Variants in TNIK observed in about 807,000 individuals in gnomAD.
TNIK encodes TRAF2 and NCK-interacting protein kinase.
TNIK carries 49 observed loss-of-function variants against 191.3 expected under a neutral mutation model. That is an observed-to-expected ratio of 0.26 (90% confidence interval 0.20 to 0.32). The LOEUF is 0.32. Among genes scored for constraint, TNIK ranks in the 10% least tolerant of loss-of-function variants. TNIK has a pLI of 1.00. For synonymous variants in TNIK, 594 were observed against 600.9 expected (o/e 0.99, Z 0.17); for missense variants, 1,155 against 1,702.3 (o/e 0.68, Z 5.66).
At chr3:171,334,220 T>A (rs1401394631) in intron 2 of TNIK, among the ~76,000 whole-genome samples, 1 of 152,230 alleles carries the variant, frequency 6.6e-6, no homozygotes, top group African/African-American at 2.4e-5. Context: ...ATTTGGCTTT[T>A]AGGAAAATCA....
chr3:171,211,872 A>G (rs1464890500), intron 3 of TNIK, among the ~76,000 whole-genome samples: 4 of 152,210 alleles, frequency 2.6e-5, no homozygotes, highest in Non-Finnish European at 5.9e-5. Context: ...CAACTCTCTT[A>G]CAGAGTTAGT....
intron 19 of TNIK, among the ~76,000 whole-genome samples, chr3:171,109,280 G>C (rs1725475461): frequency 6.6e-6 from 1 of 152,150 alleles, no homozygotes; most frequent in South Asian, 2.1e-4. Flanking sequence ...TTCTACCTCG[G>C]CCTTCCGGGT....
chr3:171,157,363 G>A, intron 12 of TNIK, 97 bp downstream of exon 12: 1 of 1,427,844 alleles, frequency 7.0e-7, no homozygotes. Context: ...TCTAAGCTCT[G>A]TGTGCTCACA....
chr3:171,420,623 G>A (rs938174400), intron 1 of TNIK, among the ~76,000 whole-genome samples: 1 of 152,134 alleles, frequency 6.6e-6, no homozygotes, highest in East Asian at 1.9e-4. Context: ...CATACCTATG[G>A]TAAAGTTTAA....
At chr3:171,389,298 C>T (rs1212840386) in intron 1 of TNIK, among the ~76,000 whole-genome samples, 2 of 152,146 alleles carry the variant, frequency 1.3e-5, no homozygotes, top group Non-Finnish European at 2.9e-5. Flanking sequence ...CTGGCTAACA[C>T]TATTACTTAG....
At chr3:171,421,937 G>T (rs1018359127) in intron 1 of TNIK, among the ~76,000 whole-genome samples, 5 of 151,672 alleles carry the variant, frequency 3.3e-5, no homozygotes, top group African/African-American at 1.2e-4. Flanking sequence ...TCACCATGTT[G>T]GCCAGGCTGG....
chr3:171,291,013 T>C (rs901059145), intron 2 of TNIK, among the ~76,000 whole-genome samples: 2 of 152,214 alleles, frequency 1.3e-5, no homozygotes, highest in Non-Finnish European at 2.9e-5. Context: ...ATTGTCTTTT[T>C]AGCTATGGCT....
intron 1 of TNIK, among the ~76,000 whole-genome samples, chr3:171,431,634 G>A (rs1481059027): frequency 2.0e-5 from 3 of 152,066 alleles, no homozygotes; most frequent in East Asian, 1.9e-4. Context: ...CTCCACTTAG[G>A]AGGATACTGC....
intron 2 of TNIK, among the ~76,000 whole-genome samples, chr3:171,278,314 CAA>C (rs1275745539): frequency 2.0e-5 from 3 of 151,870 alleles, no homozygotes; most frequent in Non-Finnish European, 4.4e-5. Flanking sequence ...ACATGCTGTC[CAA>C]AAAAGAGCAG....
At chr3:171,223,365 G>A (rs1295119428) in intron 3 of TNIK, among the ~76,000 whole-genome samples, 1 of 152,204 alleles carries the variant, frequency 6.6e-6, no homozygotes, top group Non-Finnish European at 1.5e-5. Flanking sequence ...GGGCAAGGTT[G>A]TGTTACTGTG....
intron 2 of TNIK, among the ~76,000 whole-genome samples, chr3:171,342,991 T>G (rs1157358314): frequency 1.3e-5 from 2 of 152,202 alleles, no homozygotes; most frequent in Admixed American, 1.3e-4. Context: ...CCTTTGCTCC[T>G]CCTTTGCCTT....
intron 2 of TNIK, among the ~76,000 whole-genome samples, chr3:171,287,627 T>C (rs948455250): frequency 2.0e-5 from 3 of 152,230 alleles, no homozygotes; most frequent in African/African-American, 7.2e-5. Flanking sequence ...TAAGTTTTGA[T>C]TCCAAACAAA....
At chr3:171,299,874 G>A (rs534293481) in intron 2 of TNIK, among the ~76,000 whole-genome samples, 48 of 152,298 alleles carry the variant, frequency 3.2e-4, no homozygotes, top group Middle Eastern at 3.4e-3. Flanking sequence ...AACACCTAAC[G>A]TACAAGGAGA....
chr3:171,088,732 C>T (rs1721677532), intron 23 of TNIK, among the ~76,000 whole-genome samples: 1 of 152,232 alleles, frequency 6.6e-6, no homozygotes, highest in Non-Finnish European at 1.5e-5. Context: ...TAAAAGACAA[C>T]TCTGGTTTCC....
Position 171,144,733 on chromosome 3 carries a change from T to C in TNIK, c.1222-4224A>G, listed in dbSNP as rs74365640. ...CACCAGCACTTATTCCTCTCGTCTATAGCTTTGCACCCATTGACCAGTCTC... is the reference window on the plus strand; with the variant it reads ...CACCAGCACTTATTCCTCTCGTCTACAGCTTTGCACCCATTGACCAGTCTC... On this transcript the variant is annotated intron_variant, in intron 12 of 32. Coordinates refer to ENST00000436636, the MANE Select transcript of TNIK (RefSeq NM_015028.4). Among the ~76,000 whole-genome samples the C allele has an allele frequency of 2.3e-3, 352 of 152,344 alleles. 5 individuals carry two copies. The East Asian group carries it at 0.031, about 14-fold the overall frequency.
intron 1 of TNIK, among the ~76,000 whole-genome samples, chr3:171,437,009 CT>C (rs1273732018): frequency 6.6e-6 from 1 of 152,132 alleles, no homozygotes; most frequent in East Asian, 1.9e-4. Flanking sequence ...CAGTTCCTCT[CT>C]TTTTTTATTA....
chr3:171,360,585 C>T (rs892009921), intron 2 of TNIK, among the ~76,000 whole-genome samples: 2 of 152,190 alleles, frequency 1.3e-5, no homozygotes, highest in Admixed American at 1.3e-4. Context: ...AGTCTCAAGG[C>T]CAAGACTCAA....
chr3:171,086,649 T>C (rs1476899784), intron 24 of TNIK, among the ~76,000 whole-genome samples: 1 of 152,224 alleles, frequency 6.6e-6, no homozygotes, highest in Admixed American at 6.5e-5. Context: ...TAATAGTACA[T>C]GTGCTTTATA....
At chr3:171,145,808 C>A in intron 12 of TNIK, among the ~76,000 whole-genome samples, 1 of 139,712 alleles carries the variant, frequency 7.2e-6, no homozygotes. Flanking sequence ...TTTAAATGCT[C>A]TTCTTAGATT....
Sources: allele counts gnomAD v4.1 joint callset (sites outside exome capture counted in the v4.1 genomes callset), GRCh38; gene constraint gnomAD v4.1.1; transcripts MANE v1.5; gene names NCBI Gene and HGNC (gene_info 2026-07-23, HGNC 2026-07-21).